FGFR2: variants seen among roughly 807,000 people sequenced by gnomAD.
FGFR2 encodes the protein fibroblast growth factor receptor 2, also known as BEK fibroblast growth factor receptor.
A neutral mutation model predicts 95.9 loss-of-function variants in FGFR2; 19 were observed. That is an observed-to-expected ratio of 0.20 (90% CI 0.14 to 0.29). The LOEUF (loss-of-function observed/expected upper bound fraction) is 0.29, where lower values mean the gene tolerates loss of function less well. Ranked by LOEUF, FGFR2 falls within the 10% of genes least tolerant of loss-of-function variation. The pLI is 1.00. For synonymous variants in FGFR2, 392 were observed against 393.3 expected (o/e 1.00, Z 0.04); for missense variants, 707 against 1,056.9 (o/e 0.67, Z 4.59).
At chr10:121,519,233 AGGCAAGGAG>A (rs1850158076) in intron 7 of FGFR2, among the ~76,000 whole-genome samples, 1 of 152,202 alleles carries the variant, frequency 6.6e-6, no homozygotes, top group African/African-American at 2.4e-5. Context: ...GAGGCGTGGT[AGGCAAGGAG>A]TTAAGAGCCA....
intron 5 of FGFR2, 104 bp from the exon 6 acceptor site, chr10:121,538,819 A>T: frequency 6.8e-7 from 1 of 1,464,388 alleles, no homozygotes. Context: ...CAAGAAAGGT[A>T]TGGAAGAATC....
intron 5 of FGFR2, among the ~76,000 whole-genome samples, chr10:121,542,433 G>A (rs879667965): frequency 1.3e-5 from 2 of 152,210 alleles, no homozygotes; most frequent in Admixed American, 1.3e-4. Context: ...TCATTCAATA[G>A]TAGCTACCCC....
Position 121,485,370 on chromosome 10 carries a change from C to G in FGFR2, c.2195+25G>C, listed in dbSNP as rs756185824. The stretch of plus-strand genomic sequence containing the variant: ...TGGTGTGGCAAGTCCACTGGGGCAC[C>G]GGCAGGAAAGACAACAGCCCTTACA... On this transcript the variant is annotated intron_variant, in intron 16 of 17. Transcript: ENST00000358487. The surrounding 1 kb of genome is among the most constrained non-coding windows in gnomAD (Gnocchi z 4.2). 6.2e-7 allele frequency: 1 copy of G among 1,613,826 alleles called. No individual in the cohort carries two copies. The highest frequency in any genetic ancestry group is 1.7e-5 in the Admixed American group (1 of 59,982).
rs549994938 is a variant in FGFR2, at chr10:121,518,118, T to C, written c.940-655A>G. 50 of 443,078 alleles carry C rather than the reference T, an allele frequency of 1.1e-4. No individual in the cohort carries two copies. In the East Asian group the frequency reaches 2.4e-3, roughly 21 times the overall value. 27.4% of individuals were successfully genotyped at this position (443,078 alleles called of 1,614,324 possible). A position where few individuals can be genotyped will look rare whatever the true frequency, so the allele number is the denominator to read the frequency against. ...ATTTGGATGTGAGTCATGACAAACC[T>C]AAAAAGTCAACCTTTTGCCTTTAGT... is the stretch of plus-strand genomic sequence containing the variant. On this transcript the variant is annotated intron_variant, in intron 7 of 17. Coordinates refer to ENST00000358487, the MANE Select transcript of FGFR2 (RefSeq NM_000141.5). This position sits in a 1 kb window ranked among gnomAD's most constrained non-coding sequence, Gnocchi z 4.0.
intron 9 of FGFR2, 69 bp from the exon 10 acceptor site, chr10:121,504,010 G>T: frequency 6.3e-7 from 1 of 1,579,146 alleles, no homozygotes; most frequent in Non-Finnish European, 8.7e-7. Flanking sequence ...GTCAGCCAGA[G>T]CCCAGCCAGA....
intron 4 of FGFR2, among the ~76,000 whole-genome samples, chr10:121,555,456 G>GAGGT (rs1856009853): frequency 1.3e-5 from 2 of 152,206 alleles, no homozygotes; most frequent in African/African-American, 4.8e-5. Context: ...ATATACCTTA[G>GAGGT]AGGTGTATGA....
At chr10:121,490,932 G>A (rs1846053071) in intron 13 of FGFR2, among the ~76,000 whole-genome samples, 1 of 152,198 alleles carries the variant, frequency 6.6e-6, no homozygotes, top group African/African-American at 2.4e-5. Flanking sequence ...CAGGAAACAT[G>A]AGAGCTCACA....
intron 1 of FGFR2, among the ~76,000 whole-genome samples, chr10:121,597,034 T>G (rs766876887): frequency 3.8e-4 from 58 of 152,250 alleles, no homozygotes; most frequent in Non-Finnish European, 7.1e-4. Flanking sequence ...GTGCCCTGAG[T>G]TTGAAAGCAG....
intron 9 of FGFR2, among the ~76,000 whole-genome samples, chr10:121,510,115 C>G (rs1168361562): frequency 6.6e-6 from 1 of 152,194 alleles, no homozygotes; most frequent in Non-Finnish European, 1.5e-5. Flanking sequence ...TCAAAGGCTT[C>G]TGAAGTTGCA....
intron 4 of FGFR2, among the ~76,000 whole-genome samples, chr10:121,560,204 C>T (rs903718341): frequency 2.4e-4 from 36 of 152,178 alleles, no homozygotes; most frequent in African/African-American, 7.5e-4. Flanking sequence ...AATAAATACT[C>T]TCTCCACCTG....
chr10:121,487,871 G>A (rs529993570), intron 14 of FGFR2, 120 bp downstream of exon 14: 28 of 1,231,090 alleles, frequency 2.3e-5, no homozygotes, highest in South Asian at 1.5e-4. Context: ...AACGGGAATC[G>A]GGGCAGGGGA....
At chr10:121,540,397 T>C (rs557680261) in intron 5 of FGFR2, among the ~76,000 whole-genome samples, 1 of 152,272 alleles carries the variant, frequency 6.6e-6, no homozygotes, top group East Asian at 1.9e-4. Context: ...CTAGCGCGTC[T>C]CCCCTTAAGA....
At chr10:121,540,689 AG>A (rs1853598941) in intron 5 of FGFR2, among the ~76,000 whole-genome samples, 1 of 152,150 alleles carries the variant, frequency 6.6e-6, no homozygotes, top group Non-Finnish European at 1.5e-5. Context: ...CAGGTAACTT[AG>A]GGATGTAGCC....
At chr10:121,509,273 A>G (rs1848705255) in intron 9 of FGFR2, among the ~76,000 whole-genome samples, 1 of 150,668 alleles carries the variant, frequency 6.6e-6, no homozygotes. Context: ...CTTGGCAGGC[A>G]TTTTTTTTTA....
chr10:121,574,872 AAGC>A (rs1429754701), intron 2 of FGFR2, among the ~76,000 whole-genome samples: 3 of 152,250 alleles, frequency 2.0e-5, no homozygotes, highest in Non-Finnish European at 4.4e-5. Flanking sequence ...AAAGAAGTCA[AAGC>A]AACAAACAAC....
In FGFR2 at chr10:121,539,923, T is replaced by A. The variant is rs41295507; in HGVS notation, c.625-1208A>T. On this transcript the variant is annotated intron_variant, in intron 5 of 17. Coordinates refer to ENST00000358487, the MANE Select transcript of FGFR2 (RefSeq NM_000141.5). ...TGTCCACTTTGCAAAGCAGCGCCAG[T>A]GATTAGCCTGCCAACAGAGTTAAGA... Among the ~76,000 whole-genome samples, 21 of 152,332 alleles carry A rather than the reference T, an allele frequency of 1.4e-4. No individual in the cohort carries two copies. In the East Asian group the frequency reaches 4.0e-3, roughly 29 times the overall value.
intron 15 of FGFR2, among the ~76,000 whole-genome samples, chr10:121,486,943 C>A (rs981785151): frequency 3.3e-5 from 5 of 152,198 alleles, no homozygotes; most frequent in African/African-American, 1.2e-4. Flanking sequence ...TCTCACTCAG[C>A]TCCACTCTTT....
At chr10:121,574,527 T>C (rs951905569) in intron 2 of FGFR2, among the ~76,000 whole-genome samples, 2 of 150,844 alleles carry the variant, frequency 1.3e-5, no homozygotes, top group Non-Finnish European at 2.9e-5. Flanking sequence ...AAACTCCATC[T>C]CAAAAATAAT....
intron 2 of FGFR2, among the ~76,000 whole-genome samples, chr10:121,580,624 C>T (rs1472729075): frequency 6.6e-6 from 1 of 152,068 alleles, no homozygotes; most frequent in African/African-American, 2.4e-5. Context: ...CCGCAGGACC[C>T]AAGGAAGGCA....
Sources: gnomAD v4.1 joint callset for allele counts (sites outside exome capture counted in the v4.1 genomes callset) on GRCh38, gnomAD v4.1.1 for gene constraint, Gnocchi (gnomAD v3.1) non-coding constraint, MANE v1.5 for transcripts, NCBI Gene and HGNC (gene_info 2026-07-23, HGNC 2026-07-21) for gene names.